LRRFIP2: variants seen among roughly 807,000 people sequenced by gnomAD.
LRRFIP2 encodes LRR binding FLII interacting protein 2, also known as leucine-rich repeat flightless-interacting protein 2.
LRRFIP2 carries 109 observed loss-of-function variants against 125.9 expected under a neutral mutation model. That is an observed-to-expected ratio of 0.87 (90% confidence interval 0.74 to 1.01). The LOEUF is 1.01. Among genes scored for constraint, LRRFIP2 ranks in the 50% least tolerant of loss-of-function variants. LRRFIP2 has a pLI of 0.00. For missense variants in LRRFIP2, 850 were observed against 862.3 expected (o/e 0.99, Z 0.18); for synonymous variants, 291 against 293.1 (o/e 0.99, Z 0.07).
At chr3:37,158,131 A>T (rs949307967) in intron 1 of LRRFIP2, among the ~76,000 whole-genome samples, 1 of 152,208 alleles carries the variant, frequency 6.6e-6, no homozygotes, top group Non-Finnish European at 1.5e-5. Flanking sequence ...CAAATTAGGA[A>T]GATAGACTAA....
At chr3:37,120,105 C>CTTTT (rs201402337) in intron 6 of LRRFIP2, among the ~76,000 whole-genome samples, 5 of 129,512 alleles carry the variant, frequency 3.9e-5, no homozygotes, top group African/African-American at 8.5e-5. Flanking sequence ...TGTTAATATT[C>CTTTT]TTTTTTTTTT....
intron 24 of LRRFIP2, among the ~76,000 whole-genome samples, chr3:37,062,178 AAC>A (rs748387163): frequency 1.3e-5 from 2 of 152,238 alleles, no homozygotes; most frequent in Non-Finnish European, 2.9e-5. Context: ...TAGCCAGAGA[AAC>A]ACATATAATA....
intron 6 of LRRFIP2, among the ~76,000 whole-genome samples, chr3:37,118,530 T>C (rs1338748367): frequency 6.6e-6 from 1 of 152,242 alleles, no homozygotes; most frequent in Non-Finnish European, 1.5e-5. Context: ...CTAACTTTGA[T>C]TTAATCTTCC....
At chr3:37,120,064 C>A (rs1330518174) in intron 6 of LRRFIP2, among the ~76,000 whole-genome samples, 1 of 150,922 alleles carries the variant, frequency 6.6e-6, no homozygotes, top group African/African-American at 2.4e-5. Flanking sequence ...CATTTATAAG[C>A]TGCCAATTAT....
intron 2 of LRRFIP2, among the ~76,000 whole-genome samples, chr3:37,141,204 A>T (rs1318313221): frequency 6.6e-6 from 1 of 152,174 alleles, no homozygotes. Context: ...TCTACCTTCT[A>T]CCACTCACTC....
intron 1 of LRRFIP2, among the ~76,000 whole-genome samples, chr3:37,165,095 C>A (rs7637994): frequency 6.6e-6 from 1 of 151,570 alleles, no homozygotes; most frequent in African/African-American, 2.4e-5. Flanking sequence ...ATTAGCCAGG[C>A]GTGGTGGTGA....
intron 1 of LRRFIP2, among the ~76,000 whole-genome samples, chr3:37,172,214 T>C (rs868629450): frequency 4.6e-5 from 7 of 152,352 alleles, no homozygotes; most frequent in African/African-American, 7.2e-5. Flanking sequence ...CAAAGACTTA[T>C]ATATGTATTG....
intron 19 of LRRFIP2, among the ~76,000 whole-genome samples, chr3:37,079,195 T>C (rs1177411420): frequency 2.0e-5 from 3 of 151,900 alleles, no homozygotes; most frequent in African/African-American, 4.8e-5. Context: ...CCCATGAAAA[T>C]ATGTTCAAAA....
intron 21 of LRRFIP2, 71 bp from the exon 22 acceptor site, chr3:37,066,396 A>G: frequency 2.6e-6 from 3 of 1,165,812 alleles, no homozygotes; most frequent in Non-Finnish European, 1.3e-6. Flanking sequence ...GCAGAGAAGT[A>G]CCTAATTCAA....
At chr3:37,138,119 CA>C (rs1341919487) in intron 2 of LRRFIP2, among the ~76,000 whole-genome samples, 1 of 152,168 alleles carries the variant, frequency 6.6e-6, no homozygotes, top group Non-Finnish European at 1.5e-5. Context: ...TTACCTGAAA[CA>C]AGGAACAAGT....
At chr3:37,099,663 T>C (rs1250615046) in intron 15 of LRRFIP2, among the ~76,000 whole-genome samples, 3 of 152,212 alleles carry the variant, frequency 2.0e-5, no homozygotes, top group African/African-American at 7.2e-5. Flanking sequence ...GTTTAATTAT[T>C]AACAATCAGC....
chr3:37,140,360 G>C (rs2095661649), intron 2 of LRRFIP2: 1 of 152,192 alleles, frequency 6.6e-6, no homozygotes, highest in Non-Finnish European at 1.5e-5. Context: ...ACTAAAATTG[G>C]AAAGATACAG....
At chr3:37,054,969 T>G in intron 26 of LRRFIP2, 117 bp downstream of exon 26, 1 of 681,442 alleles carries the variant, frequency 1.5e-6, no homozygotes, top group Non-Finnish European at 2.6e-6. Context: ...CTTTTCTATT[T>G]TAATACAGAA....
At chr3:37,155,920 G>T (rs933318096) in intron 1 of LRRFIP2, among the ~76,000 whole-genome samples, 5 of 152,078 alleles carry the variant, frequency 3.3e-5, no homozygotes, top group Admixed American at 2.6e-4. Context: ...TGTCTCCCAG[G>T]CTGGAGTGCA....
At chr3:37,109,272 G>A (rs1013989920) in intron 11 of LRRFIP2, among the ~76,000 whole-genome samples, 1 of 152,060 alleles carries the variant, frequency 6.6e-6, no homozygotes, top group Non-Finnish European at 1.5e-5. Context: ...TAGGACTCAA[G>A]CAAATCTATC....
intron 1 of LRRFIP2, among the ~76,000 whole-genome samples, chr3:37,165,738 AAGAG>A (rs1349709559): frequency 1.3e-5 from 2 of 151,294 alleles, no homozygotes; most frequent in African/African-American, 4.9e-5. Context: ...CCCGGGCAAC[AAGAG>A]AGAAACTCTG....
At chr3:37,113,087 A>G in intron 7 of LRRFIP2, 107 bp from the exon 8 acceptor site, 1 of 571,272 alleles carries the variant, frequency 1.8e-6, no homozygotes, top group South Asian at 2.7e-5. Flanking sequence ...TGAGATACAC[A>G]ATAGTTTACA....
At chr3:37,061,384 TTTTCTTTTTC>T (rs2088657283) in intron 24 of LRRFIP2, among the ~76,000 whole-genome samples, 1 of 58,492 alleles carries the variant, frequency 1.7e-5, no homozygotes. Context: ...TTTAAACCTC[TTTTCTTTTTC>T]TTTTTCTTTT....
At chr3:37,122,526 G>A (rs897552239) in intron 4 of LRRFIP2, among the ~76,000 whole-genome samples, 2 of 152,122 alleles carry the variant, frequency 1.3e-5, no homozygotes, top group African/African-American at 4.8e-5. Context: ...CAGGTAGGAA[G>A]AAGTGTTAAC....
Sources: gnomAD v4.1 joint callset for allele counts (sites outside exome capture counted in the v4.1 genomes callset) on GRCh38, gnomAD v4.1.1 for gene constraint, MANE v1.5 for transcripts, NCBI Gene and HGNC (gene_info 2026-07-23, HGNC 2026-07-21) for gene names.